Variants in HMGB1 observed in about 807,000 individuals in gnomAD.
HMGB1 encodes high mobility group protein B1.
For missense variants in HMGB1, 79 were observed against 253.5 expected, an observed-to-expected ratio of 0.31 and a Z score of 4.67; for synonymous variants, 81 against 84.0, an observed-to-expected ratio of 0.96 and a Z score of 0.19.
rs544811290 is a variant in HMGB1 at position 30,503,932 on chromosome 13, C to A, written c.-14-40238G>T. 2.6e-5 allele frequency among the ~76,000 whole-genome samples: 4 copies of A among 151,890 alleles called. No homozygotes were observed. The South Asian group carries it at 8.3e-4, about 32-fold the overall frequency. On this transcript the variant is annotated intron_variant, in intron 1 of 4. Transcript: ENST00000405805. ...TGGGCAACATAGCAAGACCCTGCCT[C>A]CAAAATAAAGACATACATACATACC...
intron 1 of HMGB1, among the ~76,000 whole-genome samples, chr13:30,545,768 T>G (rs1301029626): frequency 6.6e-6 from 1 of 152,012 alleles, no homozygotes; most frequent in Non-Finnish European, 1.5e-5. Flanking sequence ...CAATCATGGA[T>G]CACTGTAGCC....
chr13:30,609,810 T>G (rs1173353705), intron 1 of HMGB1, among the ~76,000 whole-genome samples: 1 of 152,206 alleles, frequency 6.6e-6, no homozygotes, highest in Non-Finnish European at 1.5e-5. Flanking sequence ...TTTTATAGCT[T>G]AGCTCCCACT....
At chr13:30,478,866 CTTTT>C (rs1887161785) in intron 1 of HMGB1, among the ~76,000 whole-genome samples, 1 of 133,854 alleles carries the variant, frequency 7.5e-6, no homozygotes, top group Non-Finnish European at 1.7e-5. Flanking sequence ...CTTTTCTTTT[CTTTT>C]CTTTTTTTTT....
chr13:30,505,553 C>A (rs557987291), intron 1 of HMGB1, among the ~76,000 whole-genome samples: 71 of 151,974 alleles, frequency 4.7e-4, no homozygotes, highest in African/African-American at 1.7e-3. Flanking sequence ...TCAGGTGATC[C>A]ACCCACCTTG....
chr13:30,497,870 G>A (rs1379681533), intron 1 of HMGB1, among the ~76,000 whole-genome samples: 1 of 152,058 alleles, frequency 6.6e-6, no homozygotes, highest in Non-Finnish European at 1.5e-5. Flanking sequence ...GGGCATTTAG[G>A]TTCATTCCAT....
At chr13:30,507,825 C>T (rs569321631) in intron 1 of HMGB1, among the ~76,000 whole-genome samples, 46 of 152,182 alleles carry the variant, frequency 3.0e-4, no homozygotes, top group African/African-American at 1.1e-3. Flanking sequence ...GAGACTCCAT[C>T]TCTACATAAA....
chr13:30,538,594 C>CT (rs1270210508), intron 1 of HMGB1, among the ~76,000 whole-genome samples: 2 of 108,656 alleles, frequency 1.8e-5, no homozygotes, highest in Admixed American at 9.1e-5. Flanking sequence ...CTTTTTCTTT[C>CT]TTCTTTTTCT....
intron 1 of HMGB1, among the ~76,000 whole-genome samples, chr13:30,614,665 G>A (rs565324346): frequency 2.0e-5 from 3 of 152,218 alleles, no homozygotes; most frequent in South Asian, 4.2e-4. Context: ...ACAGAACCAA[G>A]TAAGTTTGGG....
intron 1 of HMGB1, among the ~76,000 whole-genome samples, chr13:30,518,809 G>A (rs369172405): frequency 2.1e-5 from 3 of 144,264 alleles, no homozygotes; most frequent in South Asian, 2.2e-4. Context: ...AGGCTCAAGC[G>A]AGCCTCCCAC....
intron 1 of HMGB1, among the ~76,000 whole-genome samples, chr13:30,596,309 T>G (rs1398287265): frequency 6.6e-6 from 1 of 152,184 alleles, no homozygotes; most frequent in African/African-American, 2.4e-5. Context: ...GCCCTACAAT[T>G]AGCATTCACA....
At chr13:30,553,484 T>C (rs568926741) in intron 1 of HMGB1, among the ~76,000 whole-genome samples, 2 of 152,362 alleles carry the variant, frequency 1.3e-5, no homozygotes, top group Non-Finnish European at 2.9e-5. Context: ...GATAATACTT[T>C]ATAGGAGTAT....
rs1286537751 is a variant in HMGB1, at chr13:30,458,782, A to G, written c.*2575T>C. On this transcript the variant is annotated 3_prime_UTR_variant, in exon 5 of 5. Coordinates refer to ENST00000341423, the MANE Select transcript of HMGB1 (RefSeq NM_002128.7). Reference sequence around the variant, plus strand: ...TTTAATCATTACCCCTCGGGTACACAGGACACACAAATTTCATTTTTCAGA... The same window carrying G: ...TTTAATCATTACCCCTCGGGTACACGGGACACACAAATTTCATTTTTCAGA... 6.6e-6 allele frequency: 1 copy of G among 152,206 alleles called. No homozygotes were observed. The highest frequency in any genetic ancestry group is 2.4e-5 in the African/African-American group (1 of 41,444). 9.4% of individuals were successfully genotyped at this position (152,206 alleles called of 1,614,324 possible).
At chr13:30,470,138 C>G (rs896865416), upstream of HMGB1, among the ~76,000 whole-genome samples, 1 of 151,812 alleles carries the variant, frequency 6.6e-6, no homozygotes, top group Middle Eastern at 3.2e-3. Flanking sequence ...TGGTCTCAAA[C>G]TCCTTGGCCT....
At chr13:30,562,438 C>A (rs1421040788) in intron 1 of HMGB1, among the ~76,000 whole-genome samples, 2 of 151,732 alleles carry the variant, frequency 1.3e-5, no homozygotes, top group South Asian at 2.1e-4. Flanking sequence ...TATATATAAA[C>A]TTGTTGACAT....
chr13:30,520,614 C>T (rs144647314), intron 1 of HMGB1, among the ~76,000 whole-genome samples: 2,823 of 152,128 alleles, frequency 0.019, 39 homozygotes, highest in Non-Finnish European at 0.028. Flanking sequence ...AGTGAGACTC[C>T]GTCTCAATAA....
intron 1 of HMGB1, among the ~76,000 whole-genome samples, chr13:30,597,616 A>G (rs1360166458): frequency 6.6e-6 from 1 of 152,212 alleles, no homozygotes; most frequent in Non-Finnish European, 1.5e-5. Context: ...GTATACCACA[A>G]GCCTGTCAGT....
At chr13:30,465,046 GA>G in intron 1 of HMGB1, 2 of 562,458 alleles carry the variant, frequency 3.6e-6, no homozygotes, top group Non-Finnish European at 4.5e-6. Flanking sequence ...GCGGGGCTGT[GA>G]AAAGAGAGAG....
Position 30,483,840 on chromosome 13 carries a change from T to C in HMGB1, c.-14-20146A>G, listed in dbSNP as rs1179437897. 2.0e-5 allele frequency among the ~76,000 whole-genome samples: 3 copies of C among 152,018 alleles called. No individual in the cohort carries two copies. In the East Asian group the frequency reaches 5.8e-4, roughly 29 times the overall value. On this transcript the variant is annotated intron_variant, in intron 1 of 4. Transcript: ENST00000405805. ...TGTTGCCCAGGCTGGTCTCAAACTC[T>C]TGGGCTGAAGCAATCCTCCTGCCTC... is the stretch of plus-strand genomic sequence containing the variant.
rs745940060 is a variant in HMGB1 at position 30,588,403 on chromosome 13, GAGTTCCTGATCGGGGATACAATATATGT to G, written c.-15+28240_-15+28267del. Among the ~76,000 whole-genome samples, 47 of 152,306 alleles carry G rather than the reference GAGTTCCTGATCGGGGATACAATATATGT, an allele frequency of 3.1e-4. 1 individual carries two copies. Among genetic ancestry groups the G allele is most frequent in the Admixed American group, 1.6e-3 (24 of 15,292 alleles). On this transcript the variant is annotated intron_variant, in intron 1 of 4. Transcript: ENST00000405805. ...GTGGATCATGTAGAACAGGGGAAAG[GAGTTCCTGATCGGGGATACAATATATGT>G]AAAAACTCGGAGACAGGACTGAGCG...
Sources: allele counts gnomAD v4.1 joint callset (sites outside exome capture counted in the v4.1 genomes callset), GRCh38; gene constraint gnomAD v4.1.1; transcripts MANE v1.5; gene names NCBI Gene and HGNC (gene_info 2026-07-23, HGNC 2026-07-21).